The following SETX variants were observed in gnomAD, a reference collection of about 807,000 sequenced individuals.
The protein encoded by SETX is senataxin.
SETX carries 90 observed loss-of-function variants against 227.2 expected under a neutral mutation model. That is an observed-to-expected ratio of 0.40 (90% CI 0.33 to 0.47). The LOEUF (loss-of-function observed/expected upper bound fraction) is 0.47, where lower values mean the gene tolerates loss of function less well. Among genes scored for constraint, SETX ranks in the 20% least tolerant of loss-of-function variants. SETX has a pLI of 0.91. For missense variants in SETX, 3,052 were observed against 3,181.5 expected, an observed-to-expected ratio of 0.96 and a Z score of 0.98; for synonymous variants, 1,210 against 1,113.2, an observed-to-expected ratio of 1.09 and a Z score of -1.73.
intron 4 of SETX, among the ~76,000 whole-genome samples, chr9:132,343,373 T>C (rs1848107732): frequency 6.6e-6 from 1 of 152,086 alleles, no homozygotes; most frequent in Admixed American, 6.6e-5. Context: ...AGGATAATTA[T>C]CTCCATAGGG....
In SETX at chr9:132,262,430, A is replaced by C. The variant is rs143590143; in HGVS notation, c.*1809T>G. ...TCAAGATAACAGGAAAGCAAACTTA[A>C]AGTAACGAGATTTCTTCCCAAAGGC... On this transcript the variant is annotated 3_prime_UTR_variant, in exon 26 of 26. Coordinates refer to ENST00000224140, the MANE Select transcript of SETX (RefSeq NM_015046.7). 2 of 152,238 alleles carry C rather than the reference A, an allele frequency of 1.3e-5. No individual in the cohort carries two copies. The highest frequency in any genetic ancestry group is 2.9e-5 in the Non-Finnish European group (2 of 68,052). 9.4% of individuals were successfully genotyped at this position (152,238 alleles called of 1,614,324 possible). A position where few individuals can be genotyped will look rare whatever the true frequency, so the allele number is the denominator to read the frequency against.
At chr9:132,287,675 T>C (rs1044852527) in intron 17 of SETX, among the ~76,000 whole-genome samples, 1 of 151,770 alleles carries the variant, frequency 6.6e-6, no homozygotes, top group Non-Finnish European at 1.5e-5. Context: ...CTAGAATATC[T>C]TGCCCTTTAC....
At chr9:132,347,182 G>A (rs1419637423) in intron 3 of SETX, among the ~76,000 whole-genome samples, 1 of 151,614 alleles carries the variant, frequency 6.6e-6, no homozygotes, top group African/African-American at 2.4e-5. Context: ...AACCCAGGAG[G>A]CGGAGGTTGC....
intron 22 of SETX, among the ~76,000 whole-genome samples, 166 bp downstream of exon 22, chr9:132,276,894 T>G (rs1230294250): frequency 6.6e-6 from 1 of 152,206 alleles, no homozygotes; most frequent in Non-Finnish European, 1.5e-5. Flanking sequence ...TTAGGTAATA[T>G]TATCCCCATT....
In SETX at chr9:132,263,891, G is replaced by C. The variant is rs1480315355; in HGVS notation, c.*348C>G. On this transcript the variant is annotated 3_prime_UTR_variant, in exon 26 of 26. Coordinates refer to ENST00000224140, the MANE Select transcript of SETX (RefSeq NM_015046.7). Reference sequence around the variant, plus strand: ...AGGGGGAAAGAAAAGCGGTCTACTAGATTAAATTTTAAAAGGATTTTGTTA... The same window carrying C: ...AGGGGGAAAGAAAAGCGGTCTACTACATTAAATTTTAAAAGGATTTTGTTA... The C allele has an allele frequency of 4.0e-6, 1 of 250,828 alleles. No individual in the cohort carries two copies. The highest frequency in any genetic ancestry group is 5.0e-5 in the Admixed American group (1 of 19,992). 15.5% of individuals were successfully genotyped at this position (250,828 alleles called of 1,614,324 possible).
intron 10 of SETX, 91 bp from the exon 11 acceptor site, chr9:132,311,947 T>C: frequency 9.9e-7 from 1 of 1,011,646 alleles, no homozygotes; most frequent in Admixed American, 2.0e-5. Flanking sequence ...AACAGTAAAA[T>C]CCAGAAGCTA....
intron 2 of SETX, among the ~76,000 whole-genome samples, chr9:132,350,769 C>T (rs573227998): frequency 1.3e-4 from 20 of 152,114 alleles, no homozygotes; most frequent in Non-Finnish European, 2.8e-4. Flanking sequence ...CACAAAAGGA[C>T]ATTTAAAAAT....
At chr9:132,298,023 AT>A in intron 13 of SETX, 56 bp downstream of exon 13, 1 of 1,440,204 alleles carries the variant, frequency 6.9e-7, no homozygotes, top group Non-Finnish European at 9.8e-7. Context: ...CAGCTAAAAA[AT>A]ATGATGCTTT....
chr9:132,283,403 C>A lies in SETX; in HGVS notation c.6407G>T (p.Arg2136Leu). ...LASKIKEVQG[R>L]PQKTQSIIIL... ...GATGATACTCTGTGTTTTCTGTGGG[C>A]GTCCTTGAACCTAAGAGAACAAAGG... Residue 2136 changes from arginine (R) to leucine (L), a missense_variant, in exon 19 of 26, where the codon CGC (arginine) becomes CTC (leucine). Transcript: ENST00000224140. The A allele has an allele frequency of 6.2e-7, 1 of 1,614,102 alleles. No individual in the cohort carries two copies. The highest frequency in any genetic ancestry group is 8.5e-7 in the Non-Finnish European group (1 of 1,179,994).
chr9:132,276,188 A>C (rs1027139625), intron 22 of SETX, among the ~76,000 whole-genome samples: 1 of 152,078 alleles, frequency 6.6e-6, no homozygotes, highest in Non-Finnish European at 1.5e-5. Context: ...AGACTTACTA[A>C]ATGGACAACC....
chr9:132,287,148 A>T (rs183429928), intron 17 of SETX, among the ~76,000 whole-genome samples: 1 of 152,326 alleles, frequency 6.6e-6, no homozygotes, highest in Admixed American at 6.5e-5. Context: ...AAAGGCAACT[A>T]ATAAACTCAG....
At chr9:132,333,474 GAAT>G (rs1195316694) in intron 7 of SETX, among the ~76,000 whole-genome samples, 1 of 99,790 alleles carries the variant, frequency 1.0e-5, no homozygotes, top group Non-Finnish European at 2.0e-5. Flanking sequence ...ATCAACAAAA[GAAT>G]AACATTAATA....
rs117100362 is a variant in SETX at position 132,344,054 on chromosome 9, T to C, written c.389-1255A>G. Among the ~76,000 whole-genome samples the C allele has an allele frequency of 3.3e-4, 50 of 152,324 alleles. 1 individual carries two copies. The East Asian group carries it at 9.6e-3, about 29-fold the overall frequency. ...CAGGATACCAAAATCCACACACAGC[T>C]GAGTCCTGCAGTTGGCCCTGAGAAA... On this transcript the variant is annotated intron_variant, in intron 4 of 25. Transcript: ENST00000224140.
At chr9:132,315,420 C>T (rs1488531998) in intron 10 of SETX, among the ~76,000 whole-genome samples, 3 of 152,140 alleles carry the variant, frequency 2.0e-5, no homozygotes, top group Non-Finnish European at 4.4e-5. Flanking sequence ...GATTTCTGTC[C>T]TGGAGCCCTC....
chr9:132,323,576 A>T (rs936045106), intron 10 of SETX, among the ~76,000 whole-genome samples: 1 of 152,156 alleles, frequency 6.6e-6, no homozygotes, highest in Admixed American at 6.6e-5. Context: ...CTGAAAAATC[A>T]AGGAGTTACA....
chr9:132,268,178 A>G (rs1205906686), intron 25 of SETX, among the ~76,000 whole-genome samples: 1 of 152,224 alleles, frequency 6.6e-6, no homozygotes, highest in Non-Finnish European at 1.5e-5. Flanking sequence ...ACATTTTGAG[A>G]TAACTATAGA....
rs1328080659 is a variant in SETX at position 132,263,746 on chromosome 9, G to C, written c.*493C>G. 6.1e-6 allele frequency: 1 copy of C among 164,386 alleles called. No homozygotes were observed. Among genetic ancestry groups the C allele is most frequent in the Non-Finnish European group, 1.3e-5 (1 of 75,268 alleles). The allele number at this position is 164,386 out of a possible 1,614,324, so 10.2% of individuals were successfully genotyped here. A position where few individuals can be genotyped will look rare whatever the true frequency, so the allele number is the denominator to read the frequency against. ...CACTAACTCAGCTTATTCCAAGCTA[G>C]GCTGTTAAATAATTATCTGTCTTGC... On this transcript the variant is annotated 3_prime_UTR_variant, in exon 26 of 26. Transcript: ENST00000224140.
rs761482581 is a variant in SETX, at chr9:132,329,292, T to G, written c.2306A>C (p.Asp769Ala). ...STSNEDFSLKDDALAKTSKRK... is the reference protein window; with the variant it reads ...STSNEDFSLKADALAKTSKRK... ...TTTTGAGGTTTTAGCAAGAGCATCA[T>G]CCTTTAAAGAGAAATCTTCATTCGA... The change falls in exon 10 of 26, where the codon GAT becomes GCT. Residue 769 changes from aspartate (D) to alanine (A), a missense_variant. Transcript: ENST00000224140. The G allele has an allele frequency of 6.2e-7, 1 of 1,613,898 alleles. No individual in the cohort carries two copies. Among genetic ancestry groups the G allele is most frequent in the Admixed American group, 1.7e-5 (1 of 59,994 alleles).
In SETX at chr9:132,329,675, G is replaced by T; in HGVS notation, c.1923C>A (p.Ser641=). Residue 641 remains serine, a synonymous_variant, in exon 10 of 26, where the codon TCC becomes TCA. Coordinates refer to ENST00000224140, the MANE Select transcript of SETX (RefSeq NM_015046.7). Reference sequence around the variant, plus strand: ...TTGGTTCTTTAGAAAATGTTGGGCTGGAAGCTTCCAAACAATGCATATCTT... The same window carrying T: ...TTGGTTCTTTAGAAAATGTTGGGCTTGAAGCTTCCAAACAATGCATATCTT... ...SRKDMHCLEA[S]SPTFSKEPMK... 6.2e-7 allele frequency: 1 copy of T among 1,613,830 alleles called. No homozygotes were observed. Among genetic ancestry groups the T allele is most frequent in the Non-Finnish European group, 8.5e-7 (1 of 1,179,954 alleles).
Sources: allele counts gnomAD v4.1 joint callset (sites outside exome capture counted in the v4.1 genomes callset), GRCh38; gene constraint gnomAD v4.1.1; transcripts MANE v1.5; gene names NCBI Gene and HGNC (gene_info 2026-07-23, HGNC 2026-07-21).